Variants in MAST1 observed in about 807,000 individuals in gnomAD.
The protein encoded by MAST1 is microtubule associated serine/threonine kinase 1, also known as microtubule-associated serine/threonine-protein kinase 1.
Under a neutral mutation model 124.6 loss-of-function variants are expected in MAST1, and 40 were observed. That is an observed-to-expected ratio of 0.32 (90% CI 0.25 to 0.42). The LOEUF (loss-of-function observed/expected upper bound fraction) is 0.42, where lower values mean the gene tolerates loss of function less well. Among genes scored for constraint, MAST1 ranks in the 10% least tolerant of loss-of-function variants. MAST1 has a pLI of 1.00. For missense variants in MAST1, 1,558 were observed against 2,181.9 expected, an observed-to-expected ratio of 0.71 and a Z score of 5.70; for synonymous variants, 938 against 939.4, an observed-to-expected ratio of 1.00 and a Z score of 0.03.
chr19:12,857,761 C>A (rs909945937), intron 10 of MAST1, among the ~76,000 whole-genome samples: 23 of 152,292 alleles, frequency 1.5e-4, no homozygotes, highest in African/African-American at 5.3e-4. Context: ...GGTACAGTGG[C>A]TCATGCCTGT....
chr19:12,862,658 CTTT>C (rs750956121), intron 12 of MAST1, among the ~76,000 whole-genome samples: 7 of 135,872 alleles, frequency 5.2e-5, no homozygotes, highest in Admixed American at 7.5e-5. Flanking sequence ...TTTTCTTTTC[CTTT>C]TTTTTTTTTT....
rs766763543 is a variant in MAST1, at chr19:12,867,839, C to A, written c.2428C>A (p.Pro810Thr). The A allele has an allele frequency of 6.2e-7, 1 of 1,602,996 alleles. No homozygotes were observed. Among genetic ancestry groups the A allele is most frequent in the Non-Finnish European group, 8.5e-7 (1 of 1,175,390 alleles). Residue 810 changes from proline (P) to threonine (T), a missense_variant, in exon 20 of 26, where the codon CCC becomes ACC. By Grantham distance (38) the Pro-to-Thr change is conservative. Coordinates refer to ENST00000251472, the MANE Select transcript of MAST1 (RefSeq NM_014975.3). ...GCTGGAGCCCAGCCGCTTCAGCGCC[C>A]CCCAAGAGGACGAGGATGAGGCCCG... ...ALLEPSRFSA[P>T]QEDEDEARLR...
rs138026553 is a variant in MAST1 at position 12,854,795 on chromosome 19, A to G, written c.1077+2400A>G. On this transcript the variant is annotated intron_variant, in intron 10 of 25. Transcript: ENST00000251472. Reference sequence around the variant, plus strand: ...GCTTTCGAGCAAGCTAACTGGCTGTATGTGTTAATGGCAGCTCAGCATGGG... The same window carrying G: ...GCTTTCGAGCAAGCTAACTGGCTGTGTGTGTTAATGGCAGCTCAGCATGGG... Among the ~76,000 whole-genome samples, 123 of 152,288 alleles carry G rather than the reference A, an allele frequency of 8.1e-4. No individual in the cohort carries two copies. The East Asian group carries it at 0.022, about 27-fold the overall frequency.
Position 12,874,902 on chromosome 19 carries a change from C to T in MAST1, c.*32C>T, listed in dbSNP as rs778885128. On this transcript the variant is annotated 3_prime_UTR_variant, in exon 26 of 26. Transcript: ENST00000251472. This position sits in a 1 kb window ranked among gnomAD's most constrained non-coding sequence, Gnocchi z 6.6. ...GGGTCATCGGCCCCGCGCTGTACAGCCTCCGTATACATATGTACACATATA... is the reference window on the plus strand; with the variant it reads ...GGGTCATCGGCCCCGCGCTGTACAGTCTCCGTATACATATGTACACATATA... 19 of 1,565,048 alleles carry T rather than the reference C, an allele frequency of 1.2e-5. No homozygotes were observed. Among genetic ancestry groups the T allele is most frequent in the Non-Finnish European group, 1.6e-5 (19 of 1,159,958 alleles).
intron 12 of MAST1, among the ~76,000 whole-genome samples, chr19:12,860,446 CTTT>C (rs397956908): frequency 2.6e-5 from 3 of 116,548 alleles, no homozygotes; most frequent in Non-Finnish European, 3.4e-5. Flanking sequence ...TTCTTTCTTT[CTTT>C]TTTTTTTTTT....
chr19:12,866,988 G>A lies in MAST1; in HGVS notation c.2139+226G>A, dbSNP rs1238126042. 6.9e-6 allele frequency among the ~76,000 whole-genome samples: 1 copy of A among 145,116 alleles called. No individual in the cohort carries two copies. Among genetic ancestry groups the A allele is most frequent in the Non-Finnish European group, 1.5e-5 (1 of 66,112 alleles). On this transcript the variant is annotated intron_variant, in intron 18 of 25. Transcript: ENST00000251472. This position sits in a 1 kb window ranked among gnomAD's most constrained non-coding sequence, Gnocchi z 5.2. Reference sequence around the variant, plus strand: ...TAACAGGAATCAGGACAGTTGTGCAGATTGAGGCCATGGTGGGGCGGGGCT... The same window carrying A: ...TAACAGGAATCAGGACAGTTGTGCAAATTGAGGCCATGGTGGGGCGGGGCT...
chr19:12,874,132 G>T lies in MAST1; in HGVS notation c.3975G>T (p.Gln1325His). Residue 1325 changes from glutamine (Q) to histidine (H), a missense_variant, in exon 26 of 26, where the codon CAG becomes CAT. By Grantham distance (24) the Gln-to-His change is conservative. Transcript: ENST00000251472. The surrounding 1 kb of genome is among the most constrained non-coding windows in gnomAD (Gnocchi z 6.6). ...PPVEGLGAPRQVAVRRLGRQE... is the reference protein window; with the variant it reads ...PPVEGLGAPRHVAVRRLGRQE... ...TCGAGGGCCTTGGCGCGCCCCGGCA[G>T]GTCGCCGTCCGCCGCCTGGGCCGAC... 1 of 1,542,610 alleles carries T rather than the reference G, an allele frequency of 6.5e-7. No individual in the cohort carries two copies. Among genetic ancestry groups the T allele is most frequent in the Non-Finnish European group, 8.7e-7 (1 of 1,146,478 alleles).
Position 12,865,480 on chromosome 19 carries a change from T to C in MAST1, c.1803T>C (p.Ser601=). The change falls in exon 15 of 26, where the codon AGT becomes AGC. Residue 601 remains serine (S), a splice_region_variant and synonymous_variant. Transcript: ENST00000251472. The surrounding 1 kb of genome is among the most constrained non-coding windows in gnomAD (Gnocchi z 7.1). ...TPEELFGQVI[S]DDILWPEGDE... ...AGGAGCTATTTGGACAGGTCATCAG[T>C]GGTACGTGGCTTGGCAGTGTACAGG... 1 of 1,578,110 alleles carries C rather than the reference T, an allele frequency of 6.3e-7. No individual in the cohort carries two copies. Among genetic ancestry groups the C allele is most frequent in the Non-Finnish European group, 8.6e-7 (1 of 1,163,020 alleles).
At chr19:12,856,367 A>G (rs1970017630) in intron 10 of MAST1, among the ~76,000 whole-genome samples, 1 of 146,756 alleles carries the variant, frequency 6.8e-6, no homozygotes, top group African/African-American at 2.5e-5. Flanking sequence ...CAACAGTGTG[A>G]TCTCGGCTCA....
Position 12,865,328 on chromosome 19 carries a change from C to A in MAST1, c.1651C>A (p.Pro551Thr), listed in dbSNP as rs982871704. The change falls in exon 15 of 26, where the codon CCA becomes ACA. Residue 551 changes from proline (P) to threonine (T), a missense_variant. By Grantham distance (38) the Pro-to-Thr change is conservative. Around this residue, in one of 10 missense-constraint regions of MAST1, gnomAD observed 145 missense variants for 350.0 expected, o/e 0.41. Coordinates refer to ENST00000251472, the MANE Select transcript of MAST1 (RefSeq NM_014975.3). The surrounding 1 kb of genome is among the most constrained non-coding windows in gnomAD (Gnocchi z 7.1). ...EFLDKQVCGT[P>T]EYIAPEVILR... is the part of the protein sequence containing the mutation. ...AGCCTGCCCCCAGGTGTGTGGGACC[C>A]CAGAGTACATCGCGCCCGAGGTCAT... The A allele has an allele frequency of 1.3e-6, 2 of 1,596,006 alleles. No individual in the cohort carries two copies. Among genetic ancestry groups the A allele is most frequent in the African/African-American group, 2.7e-5 (2 of 74,634 alleles).
rs757160370 is a variant in MAST1, at chr19:12,865,309, C to T, written c.1639-7C>T. On this transcript the variant is annotated splice_region_variant and splice_polypyrimidine_tract_variant and intron_variant, in intron 14 of 25. Transcript: ENST00000251472. The surrounding 1 kb of genome is among the most constrained non-coding windows in gnomAD (Gnocchi z 7.1). Reference sequence around the variant, plus strand: ...GGCTGGGGCGTGGGCTGACAGCCTGCCCCCAGGTGTGTGGGACCCCAGAGT... The same window carrying T: ...GGCTGGGGCGTGGGCTGACAGCCTGTCCCCAGGTGTGTGGGACCCCAGAGT... The T allele has an allele frequency of 6.3e-7, 1 of 1,583,488 alleles. No individual in the cohort carries two copies. Among genetic ancestry groups the T allele is most frequent in the Non-Finnish European group, 8.6e-7 (1 of 1,165,366 alleles).
chr19:12,862,668 T>C (rs1970099406), intron 12 of MAST1, among the ~76,000 whole-genome samples: 1 of 150,826 alleles, frequency 6.6e-6, no homozygotes, highest in Non-Finnish European at 1.5e-5. Flanking sequence ...CTTTTTTTTT[T>C]TTTTTTTGAG....
intron 12 of MAST1, among the ~76,000 whole-genome samples, chr19:12,861,211 C>T (rs550339044): frequency 1.3e-5 from 2 of 152,150 alleles, no homozygotes; most frequent in East Asian, 1.9e-4. Context: ...AAAGGCGCGC[C>T]TCCACCATGC....
chr19:12,868,586 T>C, intron 20 of MAST1, 57 bp from the exon 21 acceptor site: 1 of 1,424,548 alleles, frequency 7.0e-7, no homozygotes, highest in Non-Finnish European at 9.5e-7. Flanking sequence ...AGGGAAACAG[T>C]ATGTGGGAAA....
At chr19:12,850,119 C>T (rs1969943344) in intron 7 of MAST1, among the ~76,000 whole-genome samples, 2 of 152,218 alleles carry the variant, frequency 1.3e-5, no homozygotes, top group South Asian at 4.1e-4. Flanking sequence ...TTATTAAGCA[C>T]CTACTATGGG....
Position 12,874,934 on chromosome 19 carries a change from G to A in MAST1, c.*64G>A, listed in dbSNP as rs1444683817. ...ATACATATGTACACATATAAATAAA[G>A]TGCGTCCGTGCTGCGTGAGTTTTCT... On this transcript the variant is annotated 3_prime_UTR_variant, in exon 26 of 26. Coordinates refer to ENST00000251472, the MANE Select transcript of MAST1 (RefSeq NM_014975.3). This position sits in a 1 kb window ranked among gnomAD's most constrained non-coding sequence, Gnocchi z 6.6. The A allele has an allele frequency of 6.6e-7, 1 of 1,525,586 alleles. No individual in the cohort carries two copies. Among genetic ancestry groups the A allele is most frequent in the Admixed American group, 2.0e-5 (1 of 51,170 alleles). The allele number at this position is 1,525,586 out of a possible 1,614,324, so 94.5% of individuals were successfully genotyped here. A position where few individuals can be genotyped will look rare whatever the true frequency, so the allele number is the denominator to read the frequency against.
Position 12,865,904 on chromosome 19 carries a change from G to A in MAST1, c.1907-76G>A. ...CAGGCCCAGCCTGTGCTGTGGCCCC[G>A]GGGCGGAAGACATGGGGGGCGGGGC... On this transcript the variant is annotated intron_variant, in intron 16 of 25. Transcript: ENST00000251472. This position sits in a 1 kb window ranked among gnomAD's most constrained non-coding sequence, Gnocchi z 7.1. The A allele has an allele frequency of 6.2e-7, 1 of 1,606,904 alleles. No homozygotes were observed. Among genetic ancestry groups the A allele is most frequent in the Non-Finnish European group, 8.5e-7 (1 of 1,175,218 alleles).
chr19:12,852,065 G>A, intron 8 of MAST1, 30 bp downstream of exon 8: 2 of 1,613,838 alleles, frequency 1.2e-6, no homozygotes, highest in Non-Finnish European at 1.7e-6. Flanking sequence ...GTAGGGGTGG[G>A]TTGGTAGACC....
At position 12,873,436 on chromosome 19, in the gene MAST1, G is replaced by A. The variant is rs1970264722; in HGVS notation, c.3376G>A (p.Gly1126Ser). 1 of 1,612,814 alleles carries A rather than the reference G, an allele frequency of 6.2e-7. No individual in the cohort carries two copies. The highest frequency in any genetic ancestry group is 1.3e-5 in the African/African-American group (1 of 74,928). ...GCTGTCATCCAGCGATAGTCTCCCGGGCTCGCCTACGCACGGGCTGCCGGC... is the reference window on the plus strand; with the variant it reads ...GCTGTCATCCAGCGATAGTCTCCCGAGCTCGCCTACGCACGGGCTGCCGGC... ...RSLSSSDSLP[G>S]SPTHGLPARS... Residue 1126 changes from glycine (G) to serine (S), a missense_variant, in exon 25 of 26, where the codon GGC becomes AGC. Gly to Ser is a moderately conservative substitution (Grantham distance 56, BLOSUM62 0). Coordinates refer to ENST00000251472, the MANE Select transcript of MAST1 (RefSeq NM_014975.3).
Sources: allele counts gnomAD v4.1 joint callset (sites outside exome capture counted in the v4.1 genomes callset), GRCh38; gene constraint gnomAD v4.1.1; regional missense constraint gnomAD v4.1.1; non-coding constraint Gnocchi (gnomAD v3.1); transcripts MANE v1.5; gene names NCBI Gene and HGNC (gene_info 2026-07-23, HGNC 2026-07-21).